The following PTPRD variants were observed in gnomAD, a reference collection of about 807,000 sequenced individuals.
PTPRD encodes protein tyrosine phosphatase receptor type D.
Under a neutral mutation model 214.5 loss-of-function variants are expected in PTPRD, and 34 were observed. That is an observed-to-expected ratio of 0.16 (90% CI 0.12 to 0.21). PTPRD has a LOEUF of 0.21. Ranked by LOEUF, PTPRD falls within the 10% of genes least tolerant of loss-of-function variation. PTPRD has a pLI of 1.00. For missense variants in PTPRD, 2,545 were observed against 2,398.7 expected, an observed-to-expected ratio of 1.06 and a Z score of -1.27; for synonymous variants, 1,128 against 845.7, an observed-to-expected ratio of 1.33 and a Z score of -5.79.
At chr9:8,318,692 T>G (rs901233884) in intron 45 of PTPRD, among the ~76,000 whole-genome samples, 1 of 152,016 alleles carries the variant, frequency 6.6e-6, no homozygotes. Context: ...CAATTCTGTG[T>G]GATTGCTAGT....
intron 5 of PTPRD, among the ~76,000 whole-genome samples, chr9:9,834,505 A>T (rs1431217600): frequency 1.3e-5 from 2 of 151,910 alleles, no homozygotes; most frequent in African/African-American, 2.4e-5. Context: ...GAGATCTCCA[A>T]TTCACCCTGT....
intron 11 of PTPRD, among the ~76,000 whole-genome samples, chr9:8,960,716 C>T (rs2099154324): frequency 6.6e-6 from 1 of 152,078 alleles, no homozygotes; most frequent in African/African-American, 2.4e-5. Context: ...GACCTACTTT[C>T]TAGCTTAATC....
intron 3 of PTPRD, among the ~76,000 whole-genome samples, chr9:10,293,056 G>A (rs959609173): frequency 3.0e-4 from 45 of 151,880 alleles, no homozygotes; most frequent in African/African-American, 1.1e-3. Flanking sequence ...TAGGAACACT[G>A]TGAAGGAAGT....
intron 22 of PTPRD, among the ~76,000 whole-genome samples, chr9:8,504,628 G>T (rs182007773): frequency 6.6e-5 from 10 of 152,324 alleles, no homozygotes; most frequent in African/African-American, 2.2e-4. Flanking sequence ...AATAAGGGAA[G>T]TCAGAGATCT....
At chr9:9,333,376 A>G (rs1335601428) in intron 9 of PTPRD, among the ~76,000 whole-genome samples, 1 of 151,208 alleles carries the variant, frequency 6.6e-6, no homozygotes, top group Non-Finnish European at 1.5e-5. Context: ...GGATGGAGTA[A>G]AGACAGAGAG....
intron 6 of PTPRD, among the ~76,000 whole-genome samples, chr9:9,739,435 T>A (rs1402830483): frequency 6.6e-6 from 1 of 152,216 alleles, no homozygotes; most frequent in Non-Finnish European, 1.5e-5. Context: ...GCGCTTCTCA[T>A]CTTTGCTAAG....
intron 12 of PTPRD, among the ~76,000 whole-genome samples, chr9:8,640,612 G>A (rs1595871916): frequency 7.2e-6 from 1 of 138,966 alleles, no homozygotes. Flanking sequence ...TTTATTCTTT[G>A]AAAACAAGAA....
At chr9:9,269,562 A>G (rs928828810) in intron 9 of PTPRD, among the ~76,000 whole-genome samples, 1 of 151,478 alleles carries the variant, frequency 6.6e-6, no homozygotes, top group African/African-American at 2.4e-5. Flanking sequence ...TTCCATGTTG[A>G]TCACAGCATT....
At chr9:9,904,797 G>A (rs1274179808) in intron 5 of PTPRD, among the ~76,000 whole-genome samples, 1 of 151,998 alleles carries the variant, frequency 6.6e-6, no homozygotes, top group Admixed American at 6.6e-5. Flanking sequence ...TGACATAAAA[G>A]ACATTCACCG....
chr9:9,298,909 C>T (rs898600160), intron 9 of PTPRD, among the ~76,000 whole-genome samples: 3 of 151,698 alleles, frequency 2.0e-5, no homozygotes, highest in Non-Finnish European at 4.4e-5. Context: ...AAAATGTTTC[C>T]ATCACAATGA....
intron 2 of PTPRD, among the ~76,000 whole-genome samples, chr9:10,343,155 G>C (rs2096976863): frequency 6.6e-6 from 1 of 150,778 alleles, no homozygotes; most frequent in Non-Finnish European, 1.5e-5. Context: ...AGGCCCTGTT[G>C]TGTGATGTTC....
At chr9:10,081,869 G>A (rs533740406) in intron 3 of PTPRD, among the ~76,000 whole-genome samples, 22 of 151,776 alleles carry the variant, frequency 1.4e-4, no homozygotes, top group Admixed American at 2.6e-4. Flanking sequence ...ATTTGATTAC[G>A]GTATGATGCA....
At chr9:9,293,100 T>C (rs1248813230) in intron 9 of PTPRD, among the ~76,000 whole-genome samples, 2 of 151,550 alleles carry the variant, frequency 1.3e-5, no homozygotes, top group African/African-American at 4.8e-5. Flanking sequence ...ACATCCCATA[T>C]GGAAGTGGAG....
At chr9:9,951,457 G>C (rs555318980) in intron 4 of PTPRD, among the ~76,000 whole-genome samples, 2 of 152,258 alleles carry the variant, frequency 1.3e-5, no homozygotes, top group South Asian at 2.1e-4. Context: ...AAATTCATGA[G>C]AAACTATGTC....
At chr9:8,637,865 G>A (rs572731618) in intron 12 of PTPRD, among the ~76,000 whole-genome samples, 2 of 152,236 alleles carry the variant, frequency 1.3e-5, no homozygotes, top group East Asian at 3.9e-4. Flanking sequence ...AAATGCTTAT[G>A]ATGCAATAAT....
At chr9:9,395,875 C>T (rs181718819) in intron 9 of PTPRD, among the ~76,000 whole-genome samples, 20 of 152,212 alleles carry the variant, frequency 1.3e-4, no homozygotes, top group Non-Finnish European at 2.5e-4. Context: ...TATCTACCCC[C>T]ACAACCATTG....
chr9:9,191,013 C>T (rs935802770), intron 9 of PTPRD, among the ~76,000 whole-genome samples: 1 of 152,072 alleles, frequency 6.6e-6, no homozygotes, highest in Admixed American at 6.6e-5. Flanking sequence ...CATTCATACA[C>T]TTGTGTAACC....
intron 3 of PTPRD, among the ~76,000 whole-genome samples, chr9:10,074,758 A>C (rs1250041396): frequency 6.6e-6 from 1 of 152,074 alleles, no homozygotes; most frequent in Non-Finnish European, 1.5e-5. Flanking sequence ...TCCAAACCAG[A>C]GTAGTGGGAA....
At chr9:8,550,569 A>ATGTGCTTG (rs1167916440) in intron 14 of PTPRD, among the ~76,000 whole-genome samples, 1 of 152,218 alleles carries the variant, frequency 6.6e-6, no homozygotes, top group African/African-American at 2.4e-5. Context: ...GTATGTGCTT[A>ATGTGCTTG]TGTGCACACA....
Sources: gnomAD v4.1 joint callset for allele counts (sites outside exome capture counted in the v4.1 genomes callset) on GRCh38, gnomAD v4.1.1 for gene constraint, MANE v1.5 for transcripts, NCBI Gene and HGNC (gene_info 2026-07-23, HGNC 2026-07-21) for gene names.